UPRT: variants seen among roughly 807,000 people sequenced by gnomAD.
UPRT encodes uracil phosphoribosyltransferase homolog.
Under a neutral mutation model 22.6 loss-of-function variants are expected in UPRT, and 5 were observed. That is an observed-to-expected ratio of 0.22 (90% CI 0.12 to 0.47). UPRT has a LOEUF of 0.47. Ranked by LOEUF, UPRT falls within the 20% of genes least tolerant of loss-of-function variation. UPRT has a pLI of 0.99. For synonymous variants in UPRT, 77 were observed against 87.7 expected (o/e 0.88, Z 0.68); for missense variants, 181 against 239.9 (o/e 0.75, Z 1.62).
chrX:75,293,181 T>C (rs1244844259), intron 1 of UPRT, among the ~76,000 whole-genome samples: 3 of 111,249 alleles, frequency 2.7e-5, no homozygotes, highest in Admixed American at 1.9e-4. Flanking sequence ...GGGTAACTTG[T>C]TCATCTCCCG....
intron 4 of UPRT, among the ~76,000 whole-genome samples, chrX:75,173,450 G>T (rs1041876022): frequency 8.9e-6 from 1 of 112,216 alleles, no homozygotes; most frequent in African/African-American, 3.2e-5. Context: ...TAGACACAGG[G>T]TGCTGATTGG....
intron 1 of UPRT, chrX:75,156,655 C>T (rs1414275311): frequency 8.7e-6 from 3 of 346,420 alleles, no homozygotes; most frequent in African/African-American, 5.2e-5. Flanking sequence ...TCATAATACT[C>T]TCTTACCTCC....
intron 4 of UPRT, among the ~76,000 whole-genome samples, chrX:75,243,561 GATTAGTC>G (rs1336305797): frequency 1.8e-5 from 2 of 111,915 alleles, no homozygotes; most frequent in Non-Finnish European, 3.8e-5. Flanking sequence ...AAGGTGTTAT[GATTAGTC>G]ATTAGTGAAT....
chrX:75,252,641 A>T (rs780015290), intron 4 of UPRT, among the ~76,000 whole-genome samples: 33 of 111,900 alleles, frequency 2.9e-4, no homozygotes, highest in African/African-American at 8.4e-4. Flanking sequence ...TGGCGATTCC[A>T]CTAGGATCTA....
chrX:75,189,596 G>A (rs10126774), intron 4 of UPRT, among the ~76,000 whole-genome samples: 3,192 of 111,438 alleles, frequency 0.029, 116 homozygotes, highest in African/African-American at 0.1. Flanking sequence ...AAACTCTCCC[G>A]TTATTATTGT....
At chrX:75,165,920 TA>T (rs1349994413) in intron 3 of UPRT, among the ~76,000 whole-genome samples, 1 of 111,491 alleles carries the variant, frequency 9.0e-6, no homozygotes, top group African/African-American at 3.3e-5. Context: ...AAATTTGACA[TA>T]AAAATGATGA....
At chrX:75,231,587 G>A (rs1425563780) in intron 4 of UPRT, among the ~76,000 whole-genome samples, 3 of 111,634 alleles carry the variant, frequency 2.7e-5, no homozygotes, top group African/African-American at 9.8e-5. Context: ...CCAAATATAA[G>A]AAACTCAAAG....
chrX:75,229,347 T>A (rs2082431607), intron 4 of UPRT, among the ~76,000 whole-genome samples: 1 of 111,624 alleles, frequency 9.0e-6, no homozygotes, highest in Non-Finnish European at 1.9e-5. Context: ...AGTAACAGGA[T>A]CAGGCATTAA....
rs771349467 is a variant in UPRT, at chrX:75,300,031, G to A, written c.724+135G>A. On this transcript the variant is annotated intron_variant, in intron 5 of 6. Coordinates refer to ENST00000373383, the MANE Select transcript of UPRT (RefSeq NM_145052.4). ...TTTCTCAGTTGGGAAAACTGCCCCA[G>A]GCAGTTCACTGGAGAGTTTTTATTG... The A allele has an allele frequency of 4.7e-3, 3,417 of 734,243 alleles. 11 individuals are homozygous for A. Among genetic ancestry groups the A allele is most frequent in the Non-Finnish European group, 5.4e-3 (2,763 of 510,653 alleles). 60.5% of individuals were successfully genotyped at this position (734,243 alleles called of 1,213,427 possible).
At chrX:75,168,254 T>C (rs950792351) in intron 4 of UPRT, among the ~76,000 whole-genome samples, 13 of 112,091 alleles carry the variant, frequency 1.2e-4, no homozygotes, top group African/African-American at 4.2e-4. Flanking sequence ...ATTTGAGATT[T>C]ATTCACCCCA....
intron 4 of UPRT, among the ~76,000 whole-genome samples, chrX:75,236,656 C>T (rs906068575): frequency 4.5e-5 from 5 of 112,204 alleles, no homozygotes; most frequent in Non-Finnish European, 9.4e-5. Flanking sequence ...ATATCTACAA[C>T]TATCTGATCT....
At chrX:75,252,443 G>C (rs774723378) in intron 4 of UPRT, among the ~76,000 whole-genome samples, 1 of 112,649 alleles carries the variant, frequency 8.9e-6, no homozygotes, top group East Asian at 2.8e-4. Context: ...ATGAAAAAAT[G>C]CTCATCAACA....
chrX:75,269,519 A>C (rs1360983021), upstream of UPRT, among the ~76,000 whole-genome samples: 1 of 111,883 alleles, frequency 8.9e-6, no homozygotes, highest in African/African-American at 3.2e-5. Flanking sequence ...ACCAGGCTAC[A>C]GTAGCCAAAA....
At chrX:75,251,170 C>T (rs1439784589) in intron 4 of UPRT, among the ~76,000 whole-genome samples, 2 of 111,526 alleles carry the variant, frequency 1.8e-5, no homozygotes, top group East Asian at 2.8e-4. Flanking sequence ...GATGCCCTCT[C>T]TCACTACTCC....
At chrX:75,175,045 G>T (rs771381940) in intron 4 of UPRT, among the ~76,000 whole-genome samples, 4 of 109,548 alleles carry the variant, frequency 3.7e-5, no homozygotes, top group East Asian at 2.9e-4. Context: ...CCTTCTTTCT[G>T]GTCTTTCCTT....
Position 75,274,181 on chromosome X carries a change from G to A in UPRT, c.-74G>A. The A allele has an allele frequency of 2.6e-6, 3 of 1,140,258 alleles. No homozygotes were observed. Among genetic ancestry groups the A allele is most frequent in the Non-Finnish European group, 3.5e-6 (3 of 858,519 alleles). The allele number at this position is 1,140,258 out of a possible 1,213,427, so 94.0% of individuals were successfully genotyped here. A position where few individuals can be genotyped will look rare whatever the true frequency, so the allele number is the denominator to read the frequency against. On this transcript the variant is annotated 5_prime_UTR_variant, in exon 1 of 7. Transcript: ENST00000373383. The stretch of plus-strand genomic sequence containing the variant: ...CGGGAGCAACCGAGAGAGCACGTGA[G>A]CATCTGTCCTTTCTACCCGTTCCTC...
chrX:75,250,360 A>G, intron 4 of UPRT, among the ~76,000 whole-genome samples: 1 of 110,864 alleles, frequency 9.0e-6, no homozygotes, highest in African/African-American at 3.3e-5. Context: ...TAGATGCAAT[A>G]AAAAGTAATA....
intron 1 of UPRT, chrX:75,291,351 G>C: frequency 3.3e-6 from 1 of 302,805 alleles, no homozygotes. Flanking sequence ...ACTTTATTTG[G>C]AACTATTATC....
At chrX:75,283,605 T>C (rs2082667949) in intron 1 of UPRT, among the ~76,000 whole-genome samples, 1 of 111,609 alleles carries the variant, frequency 9.0e-6, no homozygotes, top group Non-Finnish European at 1.9e-5. Context: ...TGTTTGTTTG[T>C]TTGTTTGAGG....
Sources: allele counts gnomAD v4.1 joint callset (sites outside exome capture counted in the v4.1 genomes callset), GRCh38; gene constraint gnomAD v4.1.1; transcripts MANE v1.5; gene names NCBI Gene and HGNC (gene_info 2026-07-23, HGNC 2026-07-21).